CNOT10: variants seen among roughly 807,000 people sequenced by gnomAD.
CNOT10 encodes CCR4-NOT transcription complex, subunit 10.
CNOT10 carries 30 observed loss-of-function variants against 94.6 expected under a neutral mutation model. That is an observed-to-expected ratio of 0.32 (90% CI 0.24 to 0.43). CNOT10 has a LOEUF of 0.43. Among genes scored for constraint, CNOT10 ranks in the 20% least tolerant of loss-of-function variants. The probability of loss-of-function intolerance (pLI) is 1.00; values close to 1 mark genes in which losing one functional copy is unlikely to be tolerated. For synonymous variants in CNOT10, 289 were observed against 301.6 expected (o/e 0.96, Z 0.43); for missense variants, 759 against 877.2 (o/e 0.87, Z 1.70).
At chr3:32,753,503 GCA>G in intron 13 of CNOT10, 1 of 1,567,112 alleles carries the variant, frequency 6.4e-7, no homozygotes, top group Non-Finnish European at 8.8e-7. Flanking sequence ...CCAGAACAGA[GCA>G]CATTTAAAGT....
chr3:32,754,465 A>G (rs1700113304), intron 13 of CNOT10, among the ~76,000 whole-genome samples: 1 of 83,560 alleles, frequency 1.2e-5, no homozygotes, highest in Admixed American at 1.5e-4. Flanking sequence ...CGACAGAGCA[A>G]GACTCCGTCT....
chr3:32,702,107 T>TC (rs1426988323), intron 1 of CNOT10, among the ~76,000 whole-genome samples: 5 of 151,382 alleles, frequency 3.3e-5, no homozygotes, highest in African/African-American at 1.2e-4. Context: ...CTTTTTTTTT[T>TC]TTTTTCTCAA....
intron 8 of CNOT10, among the ~76,000 whole-genome samples, chr3:32,723,065 C>T (rs1433559259): frequency 6.6e-6 from 1 of 151,936 alleles, no homozygotes; most frequent in Non-Finnish European, 1.5e-5. Context: ...CATTAAGGGC[C>T]ATTGTTTTGG....
chr3:32,685,529 C>T (rs1467863974), intron 1 of CNOT10, 47 bp downstream of exon 1: 14 of 1,545,878 alleles, frequency 9.1e-6, no homozygotes, highest in Non-Finnish European at 1.2e-5. Context: ...ACGTGCGGGG[C>T]CGGGCGGACC....
intron 12 of CNOT10, 64 bp downstream of exon 12, chr3:32,735,040 G>T: frequency 7.5e-7 from 1 of 1,338,796 alleles, no homozygotes; most frequent in Non-Finnish European, 1.0e-6. Flanking sequence ...TAAACCCTTT[G>T]TTCTTTAAGT....
At chr3:32,764,351 G>T (rs7430248) in intron 15 of CNOT10, 104 bp from the exon 16 acceptor site, 147,737 of 1,051,378 alleles carry the variant, frequency 0.14, 12,016 homozygotes, top group Middle Eastern at 0.16. Context: ...AAAAAAAAAA[G>T]AAAAGAAAAG....
At chr3:32,703,064 A>G (rs1009778640) in intron 1 of CNOT10, among the ~76,000 whole-genome samples, 1 of 144,076 alleles carries the variant, frequency 6.9e-6, no homozygotes, top group African/African-American at 2.6e-5. Flanking sequence ...GGCGCCCGCC[A>G]CCACGCCAAG....
rs761305787 is a variant in CNOT10, at chr3:32,725,558, A to G, written c.971A>G (p.Asp324Gly). ...TTTAAAAAGGCTCTGCAAGAGAATG[A>G]CAATGTCTGTGCACAGCTCAGTGCA... Reference protein sequence around the residue: ...FYFKKALQENDNVCAQLSAGS... With the variant: ...FYFKKALQENGNVCAQLSAGS... The change falls in exon 9 of 19, where the codon GAC becomes GGC. Residue 324 changes from aspartate (D) to glycine (G), a missense_variant. Coordinates refer to ENST00000328834, the MANE Select transcript of CNOT10 (RefSeq NM_015442.3). The G allele has an allele frequency of 3.1e-6, 5 of 1,614,080 alleles. No individual in the cohort carries two copies. The highest frequency in any genetic ancestry group is 3.4e-6 in the Non-Finnish European group (4 of 1,180,030).
Position 32,727,662 on chromosome 3 carries a change from C to G in CNOT10, c.1013-6C>G. ...TGATGTATTCTTATCTAATTTTTAT[C>G]ACTAGGTAAAAAATTTTCAGGAAGA... On this transcript the variant is annotated splice_polypyrimidine_tract_variant and splice_region_variant and intron_variant, in intron 9 of 18. Coordinates refer to ENST00000328834, the MANE Select transcript of CNOT10 (RefSeq NM_015442.3). The G allele has an allele frequency of 6.3e-7, 1 of 1,574,858 alleles. No homozygotes were observed. The highest frequency in any genetic ancestry group is 1.1e-5 in the South Asian group (1 of 90,076).
chr3:32,770,317 A>ATTT (rs57427218), intron 18 of CNOT10, among the ~76,000 whole-genome samples: 1 of 46,280 alleles, frequency 2.2e-5, no homozygotes, highest in African/African-American at 8.6e-5. Context: ...CAAGGCTGAG[A>ATTT]TTTTTTTTTT....
intron 1 of CNOT10, among the ~76,000 whole-genome samples, chr3:32,700,638 C>T (rs1697299099): frequency 6.6e-6 from 1 of 152,126 alleles, no homozygotes; most frequent in Non-Finnish European, 1.5e-5. Context: ...CCCCATTTTG[C>T]GGATAGGTTC....
At chr3:32,762,606 A>C in intron 14 of CNOT10, 127 bp from the exon 15 acceptor site, 1 of 989,896 alleles carries the variant, frequency 1.0e-6, no homozygotes, top group Non-Finnish European at 1.4e-6. Context: ...TTTAGATTTC[A>C]ATTTAAGGAC....
At chr3:32,689,876 G>T (rs1282993318) in intron 1 of CNOT10, among the ~76,000 whole-genome samples, 2 of 152,152 alleles carry the variant, frequency 1.3e-5, no homozygotes, top group Non-Finnish European at 2.9e-5. Context: ...GATGGCTTGA[G>T]CCCAGGAGTT....
At position 32,737,300 on chromosome 3, in the gene CNOT10, C is replaced by T. The variant is rs555269789; in HGVS notation, c.1515-110C>T. 4 of 669,710 alleles carry T rather than the reference C, an allele frequency of 6.0e-6. No homozygotes were observed. The East Asian group carries it at 1.1e-4, about 19-fold the overall frequency. The allele number at this position is 669,710 out of a possible 1,614,324, so 41.5% of individuals were successfully genotyped here. On this transcript the variant is annotated intron_variant, in intron 12 of 18. Transcript: ENST00000328834. ...ATTGCACTCCATCCTGAGCGACGAG[C>T]AAAACTCTGTCTCAAAAAAAAAGTT...
chr3:32,772,433 G>A (rs562555216), intron 18 of CNOT10, among the ~76,000 whole-genome samples: 2 of 152,106 alleles, frequency 1.3e-5, no homozygotes, highest in South Asian at 2.1e-4. Flanking sequence ...GATTGCTTAA[G>A]GCCAAGAGTT....
At chr3:32,733,091 C>G (rs1225170300) in intron 10 of CNOT10, among the ~76,000 whole-genome samples, 2 of 152,086 alleles carry the variant, frequency 1.3e-5, no homozygotes, top group African/African-American at 2.4e-5. Flanking sequence ...ACTCTGATGT[C>G]AAAGTACCTG....
chr3:32,685,400 C>A lies in CNOT10; in HGVS notation c.-61C>A. ...CTCGGAGGTCCAGGACAGCGGCCAG[C>A]CCGGCGGCGGGAGTCAGGGCCACGC... On this transcript the variant is annotated 5_prime_UTR_variant, in exon 1 of 19. Transcript: ENST00000328834. 6.5e-7 allele frequency: 1 copy of A among 1,545,058 alleles called. No homozygotes were observed. Among genetic ancestry groups the A allele is most frequent in the Non-Finnish European group, 8.8e-7 (1 of 1,142,380 alleles).
At chr3:32,756,428 T>A (rs758596841) in intron 13 of CNOT10, among the ~76,000 whole-genome samples, 5 of 152,192 alleles carry the variant, frequency 3.3e-5, no homozygotes, top group Non-Finnish European at 5.9e-5. Context: ...CATGACTGAT[T>A]TCTGGACCCA....
At chr3:32,747,042 G>A (rs564317641) in intron 13 of CNOT10, among the ~76,000 whole-genome samples, 13 of 150,414 alleles carry the variant, frequency 8.6e-5, no homozygotes, top group African/African-American at 2.7e-4. Context: ...ACTTGAACCC[G>A]GGAGGCGGAG....
Sources: allele counts gnomAD v4.1 joint callset (sites outside exome capture counted in the v4.1 genomes callset), GRCh38; gene constraint gnomAD v4.1.1; transcripts MANE v1.5; gene names NCBI Gene and HGNC (gene_info 2026-07-23, HGNC 2026-07-21).